The following TRIM5 variants were observed in gnomAD, a reference collection of about 807,000 sequenced individuals.
The protein encoded by TRIM5 is tripartite motif containing 5.
In TRIM5, 31 loss-of-function variants were observed where a neutral mutation model predicts 35.6. That is an observed-to-expected ratio of 0.87 (90% confidence interval 0.65 to 1.18). The LOEUF is 1.18. Among genes scored for constraint, TRIM5 ranks in the 50% most tolerant of loss-of-function variants. The pLI is 0.00. For synonymous variants in TRIM5, 243 were observed against 215.6 expected, an observed-to-expected ratio of 1.13 and a Z score of -1.11; for missense variants, 609 against 591.6, an observed-to-expected ratio of 1.03 and a Z score of -0.31.
chr11:5,608,379 G>A, the TRIM5 span: 3 of 1,613,724 alleles, frequency 1.9e-6, no homozygotes, highest in East Asian at 2.2e-5. Context: ...TAGGATGTGA[G>A]TGATGTCACA....
intron 4 of TRIM5, among the ~76,000 whole-genome samples, chr11:5,672,094 T>C (rs1393981650): frequency 2.6e-5 from 4 of 152,094 alleles, no homozygotes; most frequent in African/African-American, 9.7e-5. Context: ...TAAAAGAAAC[T>C]GTCAACTCCA....
At chr11:5,632,532 T>A in the TRIM5 span, 2 of 1,613,736 alleles carry the variant, frequency 1.2e-6, no homozygotes, top group African/African-American at 1.3e-5. Context: ...CATTTGAACA[T>A]CTACAGGCTA....
chr11:5,623,648 G>A, the TRIM5 span, among the ~76,000 whole-genome samples: 1 of 151,000 alleles, frequency 6.6e-6, no homozygotes, highest in African/African-American at 2.4e-5. Context: ...CCAAAGTTCT[G>A]GGATTACAGG....
the TRIM5 span, among the ~76,000 whole-genome samples, chr11:5,614,779 G>A: frequency 1.3e-5 from 2 of 152,090 alleles, no homozygotes; most frequent in South Asian, 2.1e-4. Flanking sequence ...TCTTTTTAGG[G>A]GAAGAGGACT....
At chr11:5,633,747 C>A in the TRIM5 span, 14 of 1,528,270 alleles carry the variant, frequency 9.2e-6, no homozygotes, top group Admixed American at 2.1e-5. Flanking sequence ...TGTTTGTCCT[C>A]TATCCAGATA....
At chr11:5,677,418 C>G (rs1409199300) in intron 4 of TRIM5, among the ~76,000 whole-genome samples, 7 of 152,192 alleles carry the variant, frequency 4.6e-5, no homozygotes, top group Non-Finnish European at 8.8e-5. Flanking sequence ...CATCTCACAC[C>G]AGTTAGAATG....
At chr11:5,617,436 G>A in the TRIM5 span, among the ~76,000 whole-genome samples, 1 of 142,002 alleles carries the variant, frequency 7.0e-6, no homozygotes, top group African/African-American at 2.6e-5. Context: ...TTTCTATATC[G>A]CTTCCTCTGT....
At chr11:5,628,626 G>A in the TRIM5 span, among the ~76,000 whole-genome samples, 7,566 of 152,196 alleles carry the variant, frequency 0.05, 543 homozygotes, top group African/African-American at 0.17. Context: ...CCAAGCGTGG[G>A]AAAGATTCCT....
chr11:5,643,702 G>C, the TRIM5 span: 1 of 1,576,372 alleles, frequency 6.3e-7, no homozygotes, highest in African/African-American at 1.4e-5. Context: ...TGCCCACCAA[G>C]CTCTTGAATT....
chr11:5,653,478 T>C, the TRIM5 span, among the ~76,000 whole-genome samples: 1 of 150,618 alleles, frequency 6.6e-6, no homozygotes, highest in South Asian at 2.1e-4. Flanking sequence ...TTTTTTCCGA[T>C]TTTTTTTTGT....
the TRIM5 span, among the ~76,000 whole-genome samples, chr11:5,657,107 T>C: frequency 6.6e-6 from 1 of 152,150 alleles, no homozygotes; most frequent in Admixed American, 6.6e-5. Context: ...GTGGCACATA[T>C]ACATCATGGA....
chr11:5,679,297 G>A, intron 2 of TRIM5, 128 bp from the exon 3 acceptor site: 1 of 780,834 alleles, frequency 1.3e-6, no homozygotes, highest in Non-Finnish European at 2.1e-6. Context: ...GAATGGCAAT[G>A]AGAATCCATG....
At chr11:5,639,858 G>A in the TRIM5 span, among the ~76,000 whole-genome samples, 11 of 151,882 alleles carry the variant, frequency 7.2e-5, no homozygotes, top group African/African-American at 2.7e-4. Context: ...TACTTAATAA[G>A]TATACATATT....
chr11:5,602,614 G>A, the TRIM5 span, among the ~76,000 whole-genome samples: 1 of 151,750 alleles, frequency 6.6e-6, no homozygotes, highest in Non-Finnish European at 1.5e-5. Context: ...AGGCAGCAGT[G>A]TGTTTTAGGT....
At chr11:5,680,933 T>C (rs58529757) in intron 1 of TRIM5, among the ~76,000 whole-genome samples, 116 of 152,330 alleles carry the variant, frequency 7.6e-4, no homozygotes, top group African/African-American at 2.7e-3. Flanking sequence ...GCTACTCTTT[T>C]GGTTAATCAA....
At chr11:5,605,263 A>G in the TRIM5 span, 3 of 1,603,770 alleles carry the variant, frequency 1.9e-6, no homozygotes, top group Non-Finnish European at 2.6e-6. Context: ...CCTGAGCCCA[A>G]CTTCCCCGCT....
chr11:5,679,764 G>T lies in TRIM5; in HGVS notation c.414C>A (p.Tyr138Ter). The change falls in exon 2 of 8, where the codon TAC becomes TAA. Residue 138 changes from tyrosine to a stop codon, truncating the protein, a stop_gained. Coordinates refer to ENST00000380034, the MANE Select transcript of TRIM5 (RefSeq NM_033034.3). LOFTEE classifies it high-confidence loss of function. ...TCCTTCCATCCCAGTCTCTTACTTG[G>T]TACTCCCGGGCAACCTCCTCTGTGA... is the stretch of plus-strand genomic sequence containing the variant. Reference protein sequence around the residue: ...TFLTEEVAREYQVKLQAALEM... With the variant: ...TFLTEEVARE 6.3e-7 allele frequency: 1 copy of T among 1,580,718 alleles called. No individual in the cohort carries two copies. The highest frequency in any genetic ancestry group is 8.6e-7 in the Non-Finnish European group (1 of 1,161,082).
chr11:5,594,338 C>T, the TRIM5 span, among the ~76,000 whole-genome samples: 1 of 152,142 alleles, frequency 6.6e-6, no homozygotes, highest in Non-Finnish European at 1.5e-5. Context: ...GACTGATTAT[C>T]ACTGTGTTGC....
chr11:5,616,120 T>A, the TRIM5 span, among the ~76,000 whole-genome samples: 23 of 148,474 alleles, frequency 1.5e-4, no homozygotes, highest in Middle Eastern at 3.7e-3. Flanking sequence ...CCGGCTAATT[T>A]TTTTGTATTT....
Sources: allele counts gnomAD v4.1 joint callset (sites outside exome capture counted in the v4.1 genomes callset), GRCh38; gene constraint gnomAD v4.1.1; transcripts MANE v1.5; gene names NCBI Gene and HGNC (gene_info 2026-07-23, HGNC 2026-07-21).